Variants in NDUFA10 observed in about 807,000 individuals in gnomAD.
NDUFA10 encodes NADH:ubiquinone oxidoreductase subunit A10.
NDUFA10 carries 40 observed loss-of-function variants against 47.8 expected under a neutral mutation model. That is an observed-to-expected ratio of 0.84 (90% confidence interval 0.65 to 1.09). NDUFA10 has a LOEUF of 1.09. Ranked by LOEUF, NDUFA10 falls within the 50% of genes least tolerant of loss-of-function variation. The probability of loss-of-function intolerance (pLI) is 0.00; values close to 1 mark genes in which losing one functional copy is unlikely to be tolerated. For synonymous variants in NDUFA10, 183 were observed against 172.2 expected (o/e 1.06, Z -0.49); for missense variants, 413 against 451.1 (o/e 0.92, Z 0.76).
chr2:239,950,301 GCC>G (rs1474745962), intron 4 of NDUFA10, among the ~76,000 whole-genome samples: 3 of 152,108 alleles, frequency 2.0e-5, no homozygotes, highest in African/African-American at 4.8e-5. Context: ...GATCCCTCAG[GCC>G]CCCGAGTCCT....
chr2:239,913,731 A>C (rs989142755), intron 4 of NDUFA10, among the ~76,000 whole-genome samples: 1 of 152,226 alleles, frequency 6.6e-6, no homozygotes, highest in African/African-American at 2.4e-5. Flanking sequence ...TGATCTGTCA[A>C]CACTGCAGAG....
chr2:239,910,104 G>T (rs1054237126), intron 4 of NDUFA10, among the ~76,000 whole-genome samples: 12 of 152,208 alleles, frequency 7.9e-5, no homozygotes, highest in African/African-American at 2.9e-4. Flanking sequence ...GGAATGCTTT[G>T]ACACTGTTGG....
intron 1 of NDUFA10, 25 bp downstream of exon 1, chr2:240,025,198 GCCAC>G: frequency 1.8e-6 from 1 of 570,598 alleles, no homozygotes; most frequent in African/African-American, 2.8e-5. Flanking sequence ...CTGCCACCCC[GCCAC>G]CCTGCCACCC....
intron 8 of NDUFA10, among the ~76,000 whole-genome samples, chr2:239,999,189 T>C (rs73105390): frequency 0.012 from 1,789 of 152,326 alleles, 30 homozygotes; most frequent in African/African-American, 0.041. Context: ...CTCAAGACTA[T>C]GAATGGTCAT....
At chr2:239,905,237 A>C (rs1442221788) in intron 4 of NDUFA10, among the ~76,000 whole-genome samples, 2 of 152,090 alleles carry the variant, frequency 1.3e-5, no homozygotes, top group African/African-American at 4.8e-5. Context: ...CTAACTGCAC[A>C]GTATGGGAAG....
chr2:239,969,044 A>G (rs1360103176), intron 9 of NDUFA10, among the ~76,000 whole-genome samples: 2 of 152,230 alleles, frequency 1.3e-5, no homozygotes, highest in Non-Finnish European at 1.5e-5. Flanking sequence ...ACACAGTTCA[A>G]AGGAATAGAA....
chr2:239,982,977 C>T (rs1369461201), intron 9 of NDUFA10, among the ~76,000 whole-genome samples: 1 of 152,212 alleles, frequency 6.6e-6, no homozygotes, highest in Non-Finnish European at 1.5e-5. Flanking sequence ...AACCCTCCAT[C>T]TCCTCCTACT....
chr2:239,972,223 AAT>A (rs1337046186), intron 9 of NDUFA10, among the ~76,000 whole-genome samples: 17 of 151,960 alleles, frequency 1.1e-4, no homozygotes, highest in South Asian at 6.2e-4. Context: ...CATATAAATA[AAT>A]ATGTGTATAT....
intron 4 of NDUFA10, among the ~76,000 whole-genome samples, chr2:239,923,107 A>C (rs1694015516): frequency 6.6e-6 from 1 of 152,240 alleles, no homozygotes; most frequent in South Asian, 2.1e-4. Context: ...GAAAGGGTCA[A>C]TATGCAAGAA....
chr2:239,974,141 C>T (rs963971637), intron 9 of NDUFA10, among the ~76,000 whole-genome samples: 2 of 152,172 alleles, frequency 1.3e-5, no homozygotes, highest in East Asian at 3.9e-4. Context: ...GTTGGCCAGG[C>T]TGATCTCCAA....
At chr2:240,017,865 C>A in intron 4 of NDUFA10, 1 of 1,572,294 alleles carries the variant, frequency 6.4e-7, no homozygotes, top group Non-Finnish European at 8.6e-7. Context: ...TTCCTCTGAG[C>A]TCCCAGATTC....
At chr2:239,964,712 C>A (rs1694992184) in intron 9 of NDUFA10, among the ~76,000 whole-genome samples, 1 of 152,190 alleles carries the variant, frequency 6.6e-6, no homozygotes, top group African/African-American at 2.4e-5. Flanking sequence ...CCGGCGAGGA[C>A]ACCTCCAGCA....
At chr2:239,982,494 G>C (rs1559351537) in intron 9 of NDUFA10, among the ~76,000 whole-genome samples, 1 of 152,186 alleles carries the variant, frequency 6.6e-6, no homozygotes, top group Non-Finnish European at 1.5e-5. Flanking sequence ...AACTGTCTTT[G>C]CCTGGTGGCC....
chr2:239,982,333 T>C lies in NDUFA10; in HGVS notation c.999+7741A>G, dbSNP rs562023324. On this transcript the variant is annotated intron_variant, in intron 9 of 9. Transcript: ENST00000252711. ...TCATAAAGCAAAACCTGAACTCTTT[T>C]CTAAAAAGATTCTTGTCTTGATTGT... The C allele has an allele frequency of 5.6e-5, 78 of 1,399,054 alleles. 1 individual carries two copies. In the South Asian group the frequency reaches 6.7e-4, roughly 12 times the overall value. The allele number at this position is 1,399,054 out of a possible 1,614,324, so 86.7% of individuals were successfully genotyped here.
chr2:239,903,726 C>T (rs1348743141), intron 4 of NDUFA10, among the ~76,000 whole-genome samples: 2 of 152,210 alleles, frequency 1.3e-5, no homozygotes, highest in East Asian at 3.9e-4. Context: ...CTGCAATTTC[C>T]TTCCCCATTG....
At chr2:239,904,980 C>T (rs1574767339) in intron 4 of NDUFA10, among the ~76,000 whole-genome samples, 1 of 152,346 alleles carries the variant, frequency 6.6e-6, no homozygotes, top group East Asian at 1.9e-4. Flanking sequence ...TATATAGACA[C>T]CTGTCATTGG....
In NDUFA10 at chr2:239,935,010, G is replaced by A. The variant is rs987284157; in HGVS notation, c.295-39696C>T. ...CCACAGCCTCAGAACCACCTCTGGC[G>A]CCCCTGGAATGGAGGCCTCCCCTGC... is the stretch of plus-strand genomic sequence containing the variant. On this transcript the variant is annotated intron_variant, in intron 4 of 5. Coordinates refer to the NDUFA10 transcript ENST00000419408. Among the ~76,000 whole-genome samples, 3 of 152,304 alleles carry A rather than the reference G, an allele frequency of 2.0e-5. No individual in the cohort carries two copies. In the South Asian group the frequency reaches 6.2e-4, roughly 32 times the overall value.
intron 5 of NDUFA10, chr2:240,014,496 G>A (rs753172659): frequency 1.5e-5 from 8 of 540,808 alleles, no homozygotes; most frequent in African/African-American, 7.6e-5. Flanking sequence ...GAGGGGACTC[G>A]GGGACCACAG....
In NDUFA10 at chr2:240,018,231, T is replaced by C. The variant is rs78655369; in HGVS notation, c.547+322A>G. On this transcript the variant is annotated intron_variant, in intron 4 of 9. Transcript: ENST00000252711. ...GTTACAATTAGAGCTACAGCCTAGG[T>C]ATTGCTAGGGCAAGCTAAGAGCGGG... 8.4e-3 allele frequency among the ~76,000 whole-genome samples: 1,282 copies of C among 152,288 alleles called. 16 individuals carry two copies. Among genetic ancestry groups the C allele is most frequent in the African/African-American group, 0.029 (1,224 of 41,540 alleles).
Sources: allele counts gnomAD v4.1 joint callset (sites outside exome capture counted in the v4.1 genomes callset), GRCh38; gene constraint gnomAD v4.1.1; transcripts MANE v1.5; gene names NCBI Gene and HGNC (gene_info 2026-07-23, HGNC 2026-07-21).